MBD5: variants seen among roughly 807,000 people sequenced by gnomAD.
The protein encoded by MBD5 is methyl-CpG binding domain protein 5, also known as methyl-CpG-binding domain protein 5.
A neutral mutation model predicts 117.3 loss-of-function variants in MBD5; 13 were observed. The observed-to-expected ratio is 0.11, with a 90% CI of 0.07 to 0.18. MBD5 has a LOEUF of 0.18. Among genes scored for constraint, MBD5 ranks in the 10% least tolerant of loss-of-function variants. The pLI is 1.00. For synonymous variants in MBD5, 727 were observed against 766.4 expected, an observed-to-expected ratio of 0.95 and a Z score of 0.85; for missense variants, 1,879 against 2,093.8, an observed-to-expected ratio of 0.90 and a Z score of 2.00.
At chr2:148,283,313 T>C (rs1414109093) in intron 3 of MBD5, among the ~76,000 whole-genome samples, 2 of 152,092 alleles carry the variant, frequency 1.3e-5, no homozygotes, top group Non-Finnish European at 2.9e-5. Context: ...TCCTGCACTT[T>C]TTGCAGTAAG....
At chr2:148,176,512 A>G (rs1423557364) in intron 1 of MBD5, among the ~76,000 whole-genome samples, 2 of 151,630 alleles carry the variant, frequency 1.3e-5, no homozygotes, top group Non-Finnish European at 2.9e-5. Flanking sequence ...TCAAGAGATC[A>G]ATTCTCCTGT....
rs1215497672 is a variant in MBD5 at position 148,513,258 on chromosome 2, T to G, written c.*317T>G. 3 of 334,304 alleles carry G rather than the reference T, an allele frequency of 9.0e-6. No homozygotes were observed. Among genetic ancestry groups the G allele is most frequent in the Non-Finnish European group, 1.7e-5 (3 of 178,328 alleles). 20.7% of individuals were successfully genotyped at this position (334,304 alleles called of 1,614,324 possible). A position where few individuals can be genotyped will look rare whatever the true frequency, so the allele number is the denominator to read the frequency against. On this transcript the variant is annotated 3_prime_UTR_variant, in exon 14 of 14. Transcript: ENST00000642680. Reference sequence around the variant, plus strand: ...AAATGTTTCTGAAGAATTTTCAATGTTGTATATAGAAAATACAGAATTTCA... The same window carrying G: ...AAATGTTTCTGAAGAATTTTCAATGGTGTATATAGAAAATACAGAATTTCA...
intron 11 of MBD5, among the ~76,000 whole-genome samples, chr2:148,499,546 C>A (rs1681810329): frequency 1.3e-5 from 2 of 152,102 alleles, no homozygotes; most frequent in African/African-American, 4.8e-5. Flanking sequence ...TCATGAAACT[C>A]CTGGCTTGTG....
chr2:148,282,629 C>T (rs1355106117), intron 3 of MBD5, among the ~76,000 whole-genome samples: 2 of 151,658 alleles, frequency 1.3e-5, no homozygotes, highest in Admixed American at 1.3e-4. Flanking sequence ...AGCCATTACT[C>T]GTACAGTGGA....
chr2:148,308,487 CTTTCTTT>C (rs1460164762), intron 3 of MBD5, among the ~76,000 whole-genome samples: 2 of 27,698 alleles, frequency 7.2e-5, no homozygotes, highest in Non-Finnish European at 1.9e-4. Flanking sequence ...TGATGGGGTT[CTTTCTTT>C]TTTTTTTTTT....
At chr2:148,305,311 A>G (rs982733681) in intron 3 of MBD5, among the ~76,000 whole-genome samples, 1 of 152,196 alleles carries the variant, frequency 6.6e-6, no homozygotes, top group East Asian at 1.9e-4. Context: ...AGAAGAGTCA[A>G]TCTTCTTTTC....
chr2:148,251,462 C>G (rs889468956), intron 3 of MBD5, among the ~76,000 whole-genome samples: 58 of 152,098 alleles, frequency 3.8e-4, no homozygotes, highest in African/African-American at 1.3e-3. Context: ...TTTTGTTTTA[C>G]AATGAGAAAA....
chr2:148,196,903 C>T (rs73964457), intron 2 of MBD5, among the ~76,000 whole-genome samples: 3,206 of 152,016 alleles, frequency 0.021, 106 homozygotes, highest in African/African-American at 0.073. Flanking sequence ...GATTGTATAG[C>T]ATTTGGTGTA....
At chr2:148,031,087 G>T (rs1281308651) in intron 1 of MBD5, among the ~76,000 whole-genome samples, 2 of 152,046 alleles carry the variant, frequency 1.3e-5, no homozygotes, top group African/African-American at 4.8e-5. Flanking sequence ...TAATATATGG[G>T]AATAAGATGA....
intron 4 of MBD5, among the ~76,000 whole-genome samples, chr2:148,407,339 AGTGTGTGTGT>A (rs34324249): frequency 1.4e-5 from 2 of 140,106 alleles, no homozygotes; most frequent in Non-Finnish European, 3.2e-5. Flanking sequence ...TGGCTTTCTG[AGTGTGTGTGT>A]GTGTGTGTGT....
At chr2:148,273,848 T>C (rs934220260) in intron 3 of MBD5, among the ~76,000 whole-genome samples, 1 of 152,204 alleles carries the variant, frequency 6.6e-6, no homozygotes, top group African/African-American at 2.4e-5. Context: ...TAACAATACA[T>C]GTACTGGAAA....
At chr2:148,174,137 AGAAAT>A (rs1489241208) in intron 1 of MBD5, among the ~76,000 whole-genome samples, 1 of 152,246 alleles carries the variant, frequency 6.6e-6, no homozygotes, top group Non-Finnish European at 1.5e-5. Flanking sequence ...TAGAGAGCTT[AGAAAT>A]GAGCCCATGC....
Position 148,513,056 on chromosome 2 carries a change from TACC to T in MBD5, c.*124_*126del. On this transcript the variant is annotated 3_prime_UTR_variant, in exon 14 of 14. Transcript: ENST00000642680. The stretch of plus-strand genomic sequence containing the variant: ...CAATATTTAGACTATGGCAGATAGC[TACC>T]ACCACCACAGGGTGCTAAAAGAAAC... 1.9e-6 allele frequency: 2 copies of T among 1,055,734 alleles called. No homozygotes were observed. The highest frequency in any genetic ancestry group is 2.9e-6 in the Non-Finnish European group (2 of 690,594). 65.4% of individuals were successfully genotyped at this position (1,055,734 alleles called of 1,614,324 possible).
intron 1 of MBD5, among the ~76,000 whole-genome samples, chr2:148,139,328 T>C (rs1394066711): frequency 6.6e-6 from 1 of 152,102 alleles, no homozygotes; most frequent in Non-Finnish European, 1.5e-5. Context: ...TGCCTCAGCC[T>C]CCCGAGTAGC....
At chr2:148,066,309 C>CTCAG (rs528266663) in intron 1 of MBD5, among the ~76,000 whole-genome samples, 8 of 152,008 alleles carry the variant, frequency 5.3e-5, no homozygotes, top group Admixed American at 1.3e-4. Flanking sequence ...AAGACCCTGT[C>CTCAG]TCAGTCAGTC....
intron 3 of MBD5, among the ~76,000 whole-genome samples, chr2:148,269,080 T>G (rs1224190866): frequency 2.4e-5 from 1 of 42,088 alleles, no homozygotes; most frequent in East Asian, 2.1e-3. Context: ...TTAAAGACTT[T>G]CTTTCTCTAA....
chr2:148,082,019 T>C (rs936879766), intron 1 of MBD5, among the ~76,000 whole-genome samples: 6 of 152,238 alleles, frequency 3.9e-5, no homozygotes, highest in Admixed American at 3.3e-4. Flanking sequence ...TTCTGAATCA[T>C]TCTGCTTCCA....
chr2:148,383,937 A>G (rs927310298), intron 4 of MBD5, among the ~76,000 whole-genome samples: 1 of 152,222 alleles, frequency 6.6e-6, no homozygotes, highest in Non-Finnish European at 1.5e-5. Context: ...CTCTCAATAC[A>G]TTAGGTATGG....
chr2:148,212,712 T>G (rs1699455934), intron 2 of MBD5, among the ~76,000 whole-genome samples: 1 of 152,214 alleles, frequency 6.6e-6, no homozygotes. Flanking sequence ...GAGGGATTTT[T>G]TATAATAACT....
Sources: gnomAD v4.1 joint callset for allele counts (sites outside exome capture counted in the v4.1 genomes callset) on GRCh38, gnomAD v4.1.1 for gene constraint, MANE v1.5 for transcripts, NCBI Gene and HGNC (gene_info 2026-07-23, HGNC 2026-07-21) for gene names.